Variants in SND1 observed in about 807,000 individuals in gnomAD.
SND1 encodes staphylococcal nuclease and tudor domain containing 1.
SND1 carries 38 observed loss-of-function variants against 121.7 expected under a neutral mutation model. That is an observed-to-expected ratio of 0.31 (90% CI 0.24 to 0.41). The LOEUF is 0.41. SND1 is among the 10% of genes least tolerant of loss of function. The pLI is 1.00. For synonymous variants in SND1, 401 were observed against 447.4 expected, an observed-to-expected ratio of 0.90 and a Z score of 1.31; for missense variants, 868 against 1,184.6, an observed-to-expected ratio of 0.73 and a Z score of 3.92.
intron 10 of SND1, among the ~76,000 whole-genome samples, chr7:127,790,525 G>A (rs1343491036): frequency 2.6e-5 from 4 of 152,152 alleles, no homozygotes; most frequent in African/African-American, 7.2e-5. Context: ...TTTTAGTGGT[G>A]TGGCCAAGGG....
chr7:127,702,443 G>A lies in SND1; in HGVS notation c.598G>A (p.Glu200Lys), dbSNP rs752379309. 2.5e-6 allele frequency: 4 copies of A among 1,614,022 alleles called. No homozygotes were observed. Among genetic ancestry groups the A allele is most frequent in the Admixed American group, 1.7e-5 (1 of 60,022 alleles). Residue 200 changes from glutamate to lysine, a missense_variant, in exon 6 of 24, where the codon GAG becomes AAG. This residue lies in a region of SND1 where 743 missense variants were observed against 1,071.3 expected (regional missense o/e 0.69). Transcript: ENST00000354725. ...HHQKPVNAIIEHVRDGSVVRA... is the reference protein window; with the variant it reads ...HHQKPVNAIIKHVRDGSVVRA... ...TTTATTCTGTCACACAGCTATCATC[G>A]AGCATGTGCGGGACGGCAGTGTGGT...
chr7:127,807,592 A>G lies in SND1; in HGVS notation c.1242+19A>G. ...GAAGAAGGTAAGTAATTGATGACAG[A>G]AGCATATTTGCAAGTGGTTGGGCTT... On this transcript the variant is annotated intron_variant, in intron 11 of 23. Coordinates refer to ENST00000354725, the MANE Select transcript of SND1 (RefSeq NM_014390.4). 1 of 1,595,558 alleles carries G rather than the reference A, an allele frequency of 6.3e-7. No individual in the cohort carries two copies. Among genetic ancestry groups the G allele is most frequent in the Non-Finnish European group, 8.6e-7 (1 of 1,163,016 alleles).
At chr7:127,734,490 C>G (rs1427657500) in intron 10 of SND1, among the ~76,000 whole-genome samples, 1 of 152,160 alleles carries the variant, frequency 6.6e-6, no homozygotes, top group Non-Finnish European at 1.5e-5. Context: ...ATTAGCTGAA[C>G]TCGGTAAGGC....
At chr7:128,046,850 C>A (rs187742438) in intron 16 of SND1, among the ~76,000 whole-genome samples, 91 of 152,248 alleles carry the variant, frequency 6.0e-4, no homozygotes, top group African/African-American at 2.1e-3. Flanking sequence ...TTTATCTATT[C>A]ATCACCAATA....
At chr7:127,892,540 A>G (rs1800027535) in intron 13 of SND1, among the ~76,000 whole-genome samples, 1 of 152,092 alleles carries the variant, frequency 6.6e-6, no homozygotes, top group African/African-American at 2.4e-5. Flanking sequence ...AGGAAGTCAC[A>G]TCTTTTTTTG....
chr7:127,929,386 A>G (rs1800914154), intron 15 of SND1, 57 bp downstream of exon 15: 1 of 1,569,440 alleles, frequency 6.4e-7, no homozygotes, highest in African/African-American at 1.4e-5. Flanking sequence ...TGGAAACCAC[A>G]TACCCTCCTT....
intron 10 of SND1, among the ~76,000 whole-genome samples, chr7:127,792,850 G>C (rs755615209): frequency 3.9e-5 from 6 of 152,154 alleles, no homozygotes; most frequent in Admixed American, 2.0e-4. Context: ...CCATTGCTGG[G>C]AGGAAGAAGT....
At chr7:128,025,481 T>A (rs1480265293) in intron 16 of SND1, among the ~76,000 whole-genome samples, 2 of 152,226 alleles carry the variant, frequency 1.3e-5, no homozygotes, top group South Asian at 4.1e-4. Flanking sequence ...TAACTCCGTA[T>A]CATCAGCAAG....
chr7:127,960,352 G>A (rs938654900), intron 15 of SND1, among the ~76,000 whole-genome samples: 2 of 152,138 alleles, frequency 1.3e-5, no homozygotes, highest in Non-Finnish European at 1.5e-5. Context: ...GCAGCACACC[G>A]TCCCACCCCA....
intron 2 of SND1, among the ~76,000 whole-genome samples, chr7:127,694,404 T>C (rs1357580235): frequency 3.9e-5 from 6 of 152,194 alleles, no homozygotes; most frequent in African/African-American, 1.4e-4. Context: ...TCTGCCTAGG[T>C]GGGTTCCTGG....
chr7:127,999,862 CTATG>C (rs1415950544), intron 16 of SND1: 1 of 152,126 alleles, frequency 6.6e-6, no homozygotes, highest in Admixed American at 6.5e-5. Context: ...CCTCTCATAG[CTATG>C]TAGGGCCTAT....
intron 14 of SND1, among the ~76,000 whole-genome samples, chr7:127,908,504 A>C (rs530818955): frequency 1.3e-5 from 2 of 152,070 alleles, no homozygotes; most frequent in Non-Finnish European, 2.9e-5. Context: ...ACAGAGTAGG[A>C]ACTGGGCTAT....
rs143516012 is a variant in SND1, at chr7:127,769,259, T to C, written c.1153-38225T>C. Among the ~76,000 whole-genome samples the C allele has an allele frequency of 5.3e-4, 80 of 152,194 alleles. 1 individual carries two copies. The East Asian group carries it at 6.8e-3, about 13-fold the overall frequency. On this transcript the variant is annotated intron_variant, in intron 10 of 23. Coordinates refer to ENST00000354725, the MANE Select transcript of SND1 (RefSeq NM_014390.4). ...GTATTAGGTAGAGTGTTTTTTTTTT[T>C]AGAAGTGACAGTAGTAAACTCCGTT...
chr7:127,986,738 G>A (rs1802399865), intron 15 of SND1, among the ~76,000 whole-genome samples: 1 of 152,258 alleles, frequency 6.6e-6, no homozygotes, highest in Non-Finnish European at 1.5e-5. Flanking sequence ...AGGAGCAGCA[G>A]CCACATGGAG....
intron 16 of SND1, among the ~76,000 whole-genome samples, chr7:128,036,764 G>T (rs939594359): frequency 2.6e-5 from 4 of 152,178 alleles, no homozygotes; most frequent in Non-Finnish European, 2.9e-5. Flanking sequence ...TTTGCATGTG[G>T]TCTAGCCACA....
intron 1 of SND1, among the ~76,000 whole-genome samples, chr7:127,665,435 C>T (rs1330457728): frequency 6.6e-6 from 1 of 152,148 alleles, no homozygotes; most frequent in Non-Finnish European, 1.5e-5. Flanking sequence ...GATCTGCCCA[C>T]CTTGGCCTCC....
intron 19 of SND1, 28 bp downstream of exon 19, chr7:128,084,875 G>A (rs779842227): frequency 6.3e-7 from 1 of 1,577,740 alleles, no homozygotes; most frequent in Admixed American, 1.7e-5. Context: ...GCAAGGCAGA[G>A]TCTTGAGCAG....
intron 9 of SND1, among the ~76,000 whole-genome samples, chr7:127,711,325 T>C (rs886614474): frequency 6.6e-6 from 1 of 152,224 alleles, no homozygotes; most frequent in African/African-American, 2.4e-5. Context: ...TCTGAGACCT[T>C]TCATGTCCAT....
At chr7:128,004,851 A>G (rs1202858868) in intron 16 of SND1, among the ~76,000 whole-genome samples, 1 of 152,252 alleles carries the variant, frequency 6.6e-6, no homozygotes, top group Non-Finnish European at 1.5e-5. Flanking sequence ...GTTTACAGCC[A>G]GACCTCTAAC....
Sources: gnomAD v4.1 joint callset for allele counts (sites outside exome capture counted in the v4.1 genomes callset) on GRCh38, gnomAD v4.1.1 for gene constraint, gnomAD v4.1.1 regional missense constraint, MANE v1.5 for transcripts, NCBI Gene and HGNC (gene_info 2026-07-23, HGNC 2026-07-21) for gene names.